The following TCF4 variants were observed in gnomAD, a reference collection of about 807,000 sequenced individuals.
TCF4 encodes the protein SL3-3 enhancer factor 2.
In TCF4, 3 loss-of-function variants were observed where a neutral mutation model predicts 82.1. That is an observed-to-expected ratio of 0.04 (90% CI 0.02 to 0.09). TCF4 has a LOEUF of 0.09. Among genes scored for constraint, TCF4 ranks in the 10% least tolerant of loss-of-function variants. TCF4 has a pLI of 1.00. For synonymous variants in TCF4, 276 were observed against 309.6 expected, an observed-to-expected ratio of 0.89 and a Z score of 1.14; for missense variants, 518 against 852.7, an observed-to-expected ratio of 0.61 and a Z score of 4.89.
At chr18:55,358,391 A>C (rs1434533041) in intron 6 of TCF4, among the ~76,000 whole-genome samples, 1 of 152,242 alleles carries the variant, frequency 6.6e-6, no homozygotes, top group Non-Finnish European at 1.5e-5. Flanking sequence ...GGTGGATGTG[A>C]ATATAAGAAG....
chr18:55,297,224 AAAG>A (rs149102380), intron 8 of TCF4, among the ~76,000 whole-genome samples: 3,728 of 145,734 alleles, frequency 0.026, 185 homozygotes, highest in African/African-American at 0.091. Flanking sequence ...AAAAAAAAGG[AAAG>A]AAAGAGTAAA....
At position 55,309,446 on chromosome 18, in the gene TCF4, T is replaced by C. The variant is rs1327212949; in HGVS notation, c.550-29790A>G. Among the ~76,000 whole-genome samples the C allele has an allele frequency of 2.0e-5, 3 of 152,228 alleles. No homozygotes were observed. The South Asian group carries it at 6.2e-4, about 32-fold the overall frequency. ...CTTCATTTGAATGTTAATAGCCACATGGGGCCAGTGGCTACCTCACTGAAC... is the reference window on the plus strand; with the variant it reads ...CTTCATTTGAATGTTAATAGCCACACGGGGCCAGTGGCTACCTCACTGAAC... On this transcript the variant is annotated intron_variant, in intron 8 of 19. Transcript: ENST00000354452.
rs2056409700 is a variant in TCF4 at position 55,254,944 on chromosome 18, T to C, written c.1147-244A>G. ...TAAATTCAATAATTATTCCAGGACATTATAACATACATGTGCTATATACGG... is the reference window on the plus strand; with the variant it reads ...TAAATTCAATAATTATTCCAGGACACTATAACATACATGTGCTATATACGG... On this transcript the variant is annotated intron_variant, in intron 14 of 19. Transcript: ENST00000354452. 1.3e-5 allele frequency among the ~76,000 whole-genome samples: 2 copies of C among 152,342 alleles called. 1 individual carries two copies. Among genetic ancestry groups the C allele is most frequent in the South Asian group, 4.1e-4 (2 of 4,828 alleles).
intron 6 of TCF4, chr18:55,401,671 A>C: frequency 5.1e-6 from 5 of 987,420 alleles, no homozygotes; most frequent in Non-Finnish European, 6.0e-6. Flanking sequence ...TGTTCTGCAC[A>C]TACACAGACA....
intron 8 of TCF4, chr18:55,322,506 T>C: frequency 4.1e-6 from 4 of 981,002 alleles, no homozygotes; most frequent in African/African-American, 1.8e-5. Context: ...TTCTGACTGC[T>C]TGGTCAACAA....
intron 3 of TCF4, among the ~76,000 whole-genome samples, chr18:55,509,869 G>C (rs1352705411): frequency 6.6e-6 from 1 of 152,100 alleles, no homozygotes; most frequent in South Asian, 2.1e-4. Flanking sequence ...AAATTCCTTT[G>C]ATAATCAAGC....
chr18:55,530,245 C>T lies in TCF4; in HGVS notation c.145+55035G>A, dbSNP rs147977727. 2.6e-5 allele frequency among the ~76,000 whole-genome samples: 4 copies of T among 152,276 alleles called. No individual in the cohort carries two copies. In the East Asian group the frequency reaches 7.7e-4, roughly 29 times the overall value. On this transcript the variant is annotated intron_variant, in intron 3 of 19. Coordinates refer to ENST00000354452, the MANE Select transcript of TCF4 (RefSeq NM_001083962.2). ...GGTGATTGGAAGGAGAAAGTCTATT[C>T]TGAATCAAAACTATGCTATGCATCT...
intron 8 of TCF4, among the ~76,000 whole-genome samples, chr18:55,347,260 C>T (rs1044740405): frequency 2.0e-5 from 3 of 151,908 alleles, no homozygotes; most frequent in East Asian, 1.9e-4. Context: ...AAATACGAAC[C>T]GAGAAGATAA....
chr18:55,478,849 T>G (rs1045713381), intron 3 of TCF4, among the ~76,000 whole-genome samples: 13 of 151,332 alleles, frequency 8.6e-5, no homozygotes, highest in African/African-American at 2.9e-4. Flanking sequence ...AGTTTTAAAA[T>G]TAAAAATGTT....
intron 3 of TCF4, among the ~76,000 whole-genome samples, chr18:55,496,781 T>G (rs2096641121): frequency 6.6e-6 from 1 of 151,950 alleles, no homozygotes; most frequent in Non-Finnish European, 1.5e-5. Flanking sequence ...CCCAACTTCT[T>G]TATATACTCT....
intron 3 of TCF4, among the ~76,000 whole-genome samples, chr18:55,530,568 G>GA (rs1009973525): frequency 2.1e-5 from 3 of 143,370 alleles, no homozygotes; most frequent in Admixed American, 7.0e-5. Context: ...AAAAGGGGGG[G>GA]GGAAACAGCT....
At chr18:55,582,629 T>C (rs975076994) in intron 3 of TCF4, among the ~76,000 whole-genome samples, 1 of 152,168 alleles carries the variant, frequency 6.6e-6, no homozygotes, top group Non-Finnish European at 1.5e-5. Flanking sequence ...AAAGGGAATA[T>C]GGCCACACTT....
chr18:55,577,243 T>C (rs946649832), intron 3 of TCF4, among the ~76,000 whole-genome samples: 6 of 146,936 alleles, frequency 4.1e-5, no homozygotes, highest in Admixed American at 2.1e-4. Context: ...TATTTATATA[T>C]GTATATACAT....
chr18:55,272,027 T>A (rs1332988004), intron 10 of TCF4, among the ~76,000 whole-genome samples: 6 of 152,092 alleles, frequency 3.9e-5, no homozygotes, highest in Non-Finnish European at 8.8e-5. Context: ...TAACTAACTA[T>A]AATAATCAGA....
chr18:55,588,932 TAA>T (rs1477329746), upstream of TCF4, among the ~76,000 whole-genome samples: 2 of 152,184 alleles, frequency 1.3e-5, no homozygotes, highest in African/African-American at 4.8e-5. Context: ...GCCAGCACTG[TAA>T]GTTTTTAATT....
At chr18:55,232,751 C>CA (rs1343626405) in intron 16 of TCF4, 80 bp from the exon 17 acceptor site, 1 of 1,527,042 alleles carries the variant, frequency 6.5e-7, no homozygotes, top group African/African-American at 1.4e-5. Context: ...TGCCAGCAGA[C>CA]AATTCATACT....
chr18:55,525,738 C>A (rs1254962957), intron 3 of TCF4, among the ~76,000 whole-genome samples: 3 of 152,110 alleles, frequency 2.0e-5, no homozygotes, highest in Non-Finnish European at 4.4e-5. Context: ...GCACATGTAG[C>A]AAATGACGCC....
intron 5 of TCF4, among the ~76,000 whole-genome samples, chr18:55,430,859 G>A (rs1460610235): frequency 2.0e-5 from 3 of 152,154 alleles, no homozygotes. Context: ...TTGACACATA[G>A]GCCTGAAGTG....
At chr18:55,302,285 G>C in intron 8 of TCF4, 1 of 785,156 alleles carries the variant, frequency 1.3e-6, no homozygotes, top group Non-Finnish European at 2.0e-6. Flanking sequence ...AAGTTCTGGT[G>C]AATGCCAGGG....
Sources: allele counts gnomAD v4.1 joint callset (sites outside exome capture counted in the v4.1 genomes callset), GRCh38; gene constraint gnomAD v4.1.1; transcripts MANE v1.5; gene names NCBI Gene and HGNC (gene_info 2026-07-23, HGNC 2026-07-21).